The following PRSS3 variants were observed in gnomAD, a reference collection of about 807,000 sequenced individuals.
The protein encoded by PRSS3 is trypsin-3.
Under a neutral mutation model 20.8 loss-of-function variants are expected in PRSS3, and 14 were observed. The observed-to-expected ratio is 0.67, with a 90% CI of 0.44 to 1.05. The LOEUF (loss-of-function observed/expected upper bound fraction) is 1.05. Among genes scored for constraint, PRSS3 ranks in the 50% least tolerant of loss-of-function variants. The probability of loss-of-function intolerance (pLI) is 0.00; values close to 1 mark genes in which losing one functional copy is unlikely to be tolerated. For missense variants in PRSS3, 237 were observed against 306.4 expected (o/e 0.77, Z 1.69); for synonymous variants, 91 against 117.6 (o/e 0.77, Z 1.46).
intron 1 of PRSS3, among the ~76,000 whole-genome samples, chr9:33,776,532 A>T (rs1823940241): frequency 6.6e-6 from 1 of 152,224 alleles, no homozygotes; most frequent in Non-Finnish European, 1.5e-5. Flanking sequence ...ATAAAAACAC[A>T]CATAGAGCAA....
At chr9:33,789,530 T>C (rs939359604) in intron 1 of PRSS3, among the ~76,000 whole-genome samples, 2 of 152,330 alleles carry the variant, frequency 1.3e-5, no homozygotes, top group African/African-American at 4.8e-5. Flanking sequence ...TGTGTATCTC[T>C]TTGTGTACCT....
intron 1 of PRSS3, among the ~76,000 whole-genome samples, chr9:33,762,773 C>A (rs1823259286): frequency 6.6e-6 from 1 of 152,214 alleles, no homozygotes; most frequent in South Asian, 2.1e-4. Context: ...CATTTAGGGT[C>A]AGCTACTCAA....
At chr9:33,794,974 T>C, upstream of PRSS3, 1 of 1,473,518 alleles carries the variant, frequency 6.8e-7, no homozygotes, top group South Asian at 1.4e-5. Context: ...CAGAATCCTA[T>C]GGAATGCTAA....
At chr9:33,760,881 G>A (rs1823168795) in intron 1 of PRSS3, among the ~76,000 whole-genome samples, 1 of 143,764 alleles carries the variant, frequency 7.0e-6, no homozygotes, top group Non-Finnish European at 1.6e-5. Context: ...GTTAGATAGT[G>A]AGAAAATAGA....
chr9:33,798,819 A>G, intron 4 of PRSS3, 197 bp downstream of exon 4: 2 of 1,079,922 alleles, frequency 1.9e-6, no homozygotes, highest in Non-Finnish European at 2.7e-6. Context: ...GGGGCTGAGG[A>G]GGCTCCCTGC....
intron 1 of PRSS3, among the ~76,000 whole-genome samples, chr9:33,774,811 C>A (rs1380873606): frequency 1.3e-5 from 2 of 151,572 alleles, no homozygotes; most frequent in Non-Finnish European, 2.9e-5. Flanking sequence ...CATGGTGAAA[C>A]CCTGCCTCTA....
Position 33,758,744 on chromosome 9 carries a change from G to A in PRSS3, c.-53+8017G>A, listed in dbSNP as rs528670476. ...ACTTACCTAGCTCTAAGAACTGTAC[G>A]AAAATAGTGATGGTACCAACAATTT... On this transcript the variant is annotated intron_variant, in intron 1 of 5. Coordinates refer to the PRSS3 transcript ENST00000342836. 5.3e-5 allele frequency among the ~76,000 whole-genome samples: 8 copies of A among 152,270 alleles called. No individual in the cohort carries two copies. In the East Asian group the frequency reaches 5.8e-4, roughly 11 times the overall value.
intron 1 of PRSS3, among the ~76,000 whole-genome samples, chr9:33,780,131 A>G (rs1345602722): frequency 1.3e-5 from 2 of 152,110 alleles, no homozygotes; most frequent in African/African-American, 4.8e-5. Flanking sequence ...CACCAAGGTC[A>G]AGGTAAAAGA....
chr9:33,757,964 C>G (rs929087740), intron 1 of PRSS3, among the ~76,000 whole-genome samples: 2 of 152,158 alleles, frequency 1.3e-5, no homozygotes, highest in African/African-American at 4.8e-5. Flanking sequence ...TTCAAAACTC[C>G]CATATCACCT....
intron 1 of PRSS3, among the ~76,000 whole-genome samples, chr9:33,758,935 A>G (rs1329141723): frequency 6.6e-6 from 1 of 152,234 alleles, no homozygotes; most frequent in Non-Finnish European, 1.5e-5. Context: ...CTAATGGGCA[A>G]GACATATGTC....
intron 1 of PRSS3, among the ~76,000 whole-genome samples, chr9:33,760,802 T>C (rs1209113159): frequency 6.6e-6 from 1 of 150,770 alleles, no homozygotes; most frequent in Non-Finnish European, 1.5e-5. Context: ...TTGCTCAAGG[T>C]CACAGAGTGA....
At chr9:33,791,653 C>T (rs1563966258), upstream of PRSS3, among the ~76,000 whole-genome samples, 1 of 152,202 alleles carries the variant, frequency 6.6e-6, no homozygotes, top group Non-Finnish European at 1.5e-5. Flanking sequence ...TGCTTCCTGT[C>T]TAAGGGAGCC....
At chr9:33,784,949 T>C (rs1208626609) in intron 1 of PRSS3, among the ~76,000 whole-genome samples, 1 of 152,164 alleles carries the variant, frequency 6.6e-6, no homozygotes, top group African/African-American at 2.4e-5. Flanking sequence ...TTAAGGTCTC[T>C]AGGTCTTATC....
chr9:33,761,887 G>A (rs1206024926), intron 1 of PRSS3, among the ~76,000 whole-genome samples: 9 of 151,470 alleles, frequency 5.9e-5, no homozygotes, highest in Non-Finnish European at 1.3e-4. Context: ...TCAAAAAAAA[G>A]AAGAAAAAAA....
chr9:33,794,662 C>T (rs1462244386), upstream of PRSS3: 2 of 1,429,824 alleles, frequency 1.4e-6, no homozygotes, highest in Non-Finnish European at 1.8e-6. Context: ...GGTCCAAACT[C>T]TGACATCTGA....
chr9:33,780,925 C>T (rs1399811222), intron 1 of PRSS3, among the ~76,000 whole-genome samples: 3 of 152,086 alleles, frequency 2.0e-5, no homozygotes, highest in African/African-American at 2.4e-5. Flanking sequence ...GACAACCAGA[C>T]GATAATAGTG....
chr9:33,764,560 A>G (rs753463101), intron 1 of PRSS3, among the ~76,000 whole-genome samples: 1 of 152,202 alleles, frequency 6.6e-6, no homozygotes, highest in Non-Finnish European at 1.5e-5. Context: ...TCAGAAACAT[A>G]AATATAAGAG....
chr9:33,786,889 C>A, intron 1 of PRSS3: 1 of 626,338 alleles, frequency 1.6e-6, no homozygotes, highest in East Asian at 2.7e-5. Context: ...CTACCCAGCT[C>A]CCCTCACATG....
chr9:33,757,837 T>G (rs1345230215), intron 1 of PRSS3, among the ~76,000 whole-genome samples: 2 of 152,240 alleles, frequency 1.3e-5, no homozygotes, highest in Admixed American at 6.5e-5. Context: ...CGTCTTTTTA[T>G]GTCACCACCT....
Sources: allele counts gnomAD v4.1 joint callset (sites outside exome capture counted in the v4.1 genomes callset), GRCh38; gene constraint gnomAD v4.1.1; transcripts MANE v1.5; gene names NCBI Gene and HGNC (gene_info 2026-07-23, HGNC 2026-07-21).